Variants in TRAPPC9 observed in about 807,000 individuals in gnomAD.
TRAPPC9 encodes IKK2 binding protein.
A neutral mutation model predicts 124.0 loss-of-function variants in TRAPPC9; 83 were observed. That is an observed-to-expected ratio of 0.67 (90% CI 0.56 to 0.80). TRAPPC9 has a LOEUF of 0.80. Among genes scored for constraint, TRAPPC9 ranks in the 30% least tolerant of loss-of-function variants. The pLI, the probability that TRAPPC9 is intolerant of heterozygous loss-of-function variation, is 0.00. For missense variants in TRAPPC9, 1,302 were observed against 1,508.3 expected (o/e 0.86, Z 2.27); for synonymous variants, 638 against 617.5 (o/e 1.03, Z -0.49).
Position 140,019,542 on chromosome 8 carries a change from C to CTTTTTT in TRAPPC9, c.2699+4389_2699+4394dup, listed in dbSNP as rs71320340. ...CTGTGTCAATTTTAGTAATTTGTGT[C>CTTTTTT]TTTTTTTTTTTTTTTTTTTTTTTTT... is the stretch of plus-strand genomic sequence containing the variant. On this transcript the variant is annotated intron_variant, in intron 18 of 22. Coordinates refer to ENST00000438773, the MANE Select transcript of TRAPPC9 (RefSeq NM_001160372.4). 1.2e-3 allele frequency among the ~76,000 whole-genome samples: 52 copies of CTTTTTT among 43,864 alleles called. 12 individuals are homozygous for CTTTTTT. The highest frequency in any genetic ancestry group is 2.6e-3 in the African/African-American group (28 of 10,880). The allele number at this position is 43,864 out of a possible 152,430, so 28.8% of individuals were successfully genotyped here. A position where few individuals can be genotyped will look rare whatever the true frequency, so the allele number is the denominator to read the frequency against.
chr8:140,035,927 T>G (rs1252891839), intron 17 of TRAPPC9, among the ~76,000 whole-genome samples: 1 of 152,212 alleles, frequency 6.6e-6, no homozygotes, highest in Non-Finnish European at 1.5e-5. Context: ...GAAAGTCACT[T>G]GTCCTTTCTT....
At chr8:139,753,932 T>A (rs10112809) in intron 21 of TRAPPC9, among the ~76,000 whole-genome samples, 1 of 152,270 alleles carries the variant, frequency 6.6e-6, no homozygotes, top group South Asian at 2.1e-4. Flanking sequence ...ACCCCCATCA[T>A]GGTTGTTTGT....
intron 17 of TRAPPC9, among the ~76,000 whole-genome samples, chr8:140,031,814 C>T (rs1051911160): frequency 2.0e-5 from 3 of 152,226 alleles, no homozygotes; most frequent in Non-Finnish European, 4.4e-5. Context: ...GCCATCAAAA[C>T]AGCTTCCAGC....
chr8:140,268,873 A>C (rs1184931235), intron 15 of TRAPPC9, among the ~76,000 whole-genome samples: 1 of 152,172 alleles, frequency 6.6e-6, no homozygotes, highest in African/African-American at 2.4e-5. Context: ...CACCGCCAAA[A>C]GCATCTCCCT....
intron 19 of TRAPPC9, among the ~76,000 whole-genome samples, chr8:139,970,767 A>G (rs62527000): frequency 0.19 from 29,153 of 152,102 alleles, 3,575 homozygotes; most frequent in East Asian, 0.48. Flanking sequence ...GCAGGGGTAG[A>G]GTCACGTGCC....
intron 5 of TRAPPC9, among the ~76,000 whole-genome samples, chr8:140,416,602 A>G (rs1260316291): frequency 6.6e-6 from 1 of 152,250 alleles, no homozygotes; most frequent in Non-Finnish European, 1.5e-5. Context: ...TCCCATGCTC[A>G]TGGATAGGAA....
intron 19 of TRAPPC9, 87 bp downstream of exon 19, chr8:139,988,639 G>A (rs1456641678): frequency 1.2e-6 from 1 of 864,668 alleles, no homozygotes; most frequent in African/African-American, 1.7e-5. Flanking sequence ...CTGAGGACTT[G>A]GGGTGGATTA....
chr8:140,123,031 A>G (rs1004655373), intron 17 of TRAPPC9, among the ~76,000 whole-genome samples: 1 of 152,222 alleles, frequency 6.6e-6, no homozygotes, highest in African/African-American at 2.4e-5. Context: ...GCACCCACAC[A>G]GCTGCCAATC....
At chr8:139,909,558 T>C (rs575682440) in intron 20 of TRAPPC9, among the ~76,000 whole-genome samples, 14 of 152,346 alleles carry the variant, frequency 9.2e-5, no homozygotes, top group South Asian at 6.2e-4. Context: ...TCTCCAAAGA[T>C]TGCTGAACAA....
At chr8:140,324,298 A>G (rs2066682854) in intron 9 of TRAPPC9, among the ~76,000 whole-genome samples, 1 of 152,226 alleles carries the variant, frequency 6.6e-6, no homozygotes, top group African/African-American at 2.4e-5. Flanking sequence ...AGTGTAAGCA[A>G]AGGGATGAAT....
intron 21 of TRAPPC9, among the ~76,000 whole-genome samples, chr8:139,822,724 C>T (rs146724648): frequency 4.6e-5 from 7 of 152,266 alleles, no homozygotes; most frequent in Middle Eastern, 6.8e-3. Context: ...CGCTGCCTGC[C>T]GCTGACACAT....
intron 15 of TRAPPC9, among the ~76,000 whole-genome samples, chr8:140,272,038 T>C (rs2064908484): frequency 6.7e-6 from 1 of 149,236 alleles, no homozygotes; most frequent in African/African-American, 2.5e-5. Context: ...GTGGTAATGG[T>C]GGTGGTTGTG....
intron 14 of TRAPPC9, among the ~76,000 whole-genome samples, chr8:140,278,326 G>A (rs1459864658): frequency 2.0e-5 from 3 of 152,044 alleles, no homozygotes; most frequent in South Asian, 2.1e-4. Flanking sequence ...GGCCGGTCTC[G>A]AACTCCTGAC....
chr8:140,159,790 T>A (rs559979724), intron 17 of TRAPPC9, among the ~76,000 whole-genome samples: 1 of 152,196 alleles, frequency 6.6e-6, no homozygotes, highest in Non-Finnish European at 1.5e-5. Flanking sequence ...CAGCCCTGTG[T>A]GGCCAAACAG....
chr8:140,062,738 C>A (rs1842696360), intron 17 of TRAPPC9, among the ~76,000 whole-genome samples: 1 of 152,142 alleles, frequency 6.6e-6, no homozygotes, highest in Non-Finnish European at 1.5e-5. Flanking sequence ...TGCGTCATTA[C>A]CGGCACGCAC....
At chr8:140,127,796 A>G (rs776208615) in intron 17 of TRAPPC9, among the ~76,000 whole-genome samples, 1 of 152,248 alleles carries the variant, frequency 6.6e-6, no homozygotes, top group African/African-American at 2.4e-5. Flanking sequence ...GACTAAAACC[A>G]TGACACTAAA....
chr8:139,830,925 G>A (rs748512760), intron 21 of TRAPPC9, among the ~76,000 whole-genome samples: 9 of 152,268 alleles, frequency 5.9e-5, no homozygotes, highest in Non-Finnish European at 1.3e-4. Flanking sequence ...GAACAGTGAT[G>A]AAGTGCACGG....
chr8:140,164,544 C>A (rs2061801143), intron 17 of TRAPPC9, among the ~76,000 whole-genome samples: 1 of 152,242 alleles, frequency 6.6e-6, no homozygotes, highest in African/African-American at 2.4e-5. Flanking sequence ...CCAATTTCCT[C>A]TCCCACAGGA....
intron 17 of TRAPPC9, among the ~76,000 whole-genome samples, chr8:140,211,024 T>A (rs866242675): frequency 3.7e-4 from 56 of 151,998 alleles, no homozygotes; most frequent in African/African-American, 5.3e-4. Context: ...TTTTTTTTTT[T>A]TAAAAACTTG....
Sources: gnomAD v4.1 joint callset for allele counts (sites outside exome capture counted in the v4.1 genomes callset) on GRCh38, gnomAD v4.1.1 for gene constraint, MANE v1.5 for transcripts, NCBI Gene and HGNC (gene_info 2026-07-23, HGNC 2026-07-21) for gene names.